Variants in CFAP251 observed in about 807,000 individuals in gnomAD.
CFAP251 encodes cilia and flagella associated protein 251.
In CFAP251, 93 loss-of-function variants were observed where a neutral mutation model predicts 126.7. That is an observed-to-expected ratio of 0.73 (90% CI 0.62 to 0.87). The LOEUF (loss-of-function observed/expected upper bound fraction) is 0.87, where lower values mean the gene tolerates loss of function less well. Among genes scored for constraint, CFAP251 ranks in the 40% least tolerant of loss-of-function variants. CFAP251 has a pLI of 0.00. For missense variants in CFAP251, 1,287 were observed against 1,389.2 expected, an observed-to-expected ratio of 0.93 and a Z score of 1.17; for synonymous variants, 503 against 506.9, an observed-to-expected ratio of 0.99 and a Z score of 0.10.
chr12:121,975,920 C>G (rs565786891), intron 19 of CFAP251, among the ~76,000 whole-genome samples: 1 of 152,138 alleles, frequency 6.6e-6, no homozygotes, highest in East Asian at 1.9e-4. Flanking sequence ...GAGCATGGGT[C>G]TTGCAACCAT....
chr12:121,939,417 A>G (rs1335578525), intron 5 of CFAP251, among the ~76,000 whole-genome samples: 1 of 152,194 alleles, frequency 6.6e-6, no homozygotes, highest in Non-Finnish European at 1.5e-5. Context: ...CTCATGCAGT[A>G]GAAGCCTGCA....
intron 19 of CFAP251, 30 bp downstream of exon 19, chr12:121,975,715 G>A (rs765403864): frequency 5.2e-6 from 8 of 1,537,492 alleles, no homozygotes; most frequent in South Asian, 2.5e-5. Context: ...GAGCAGCAAC[G>A]GGATGTGCTA....
chr12:121,940,732 C>T (rs1881077788), intron 5 of CFAP251, among the ~76,000 whole-genome samples: 1 of 152,132 alleles, frequency 6.6e-6, no homozygotes, highest in African/African-American at 2.4e-5. Flanking sequence ...TATTTCAAGG[C>T]TGTGTTGGAA....
At chr12:121,979,554 T>TTTC (rs1272273007) in intron 19 of CFAP251, among the ~76,000 whole-genome samples, 4 of 110,618 alleles carry the variant, frequency 3.6e-5, no homozygotes, top group East Asian at 5.6e-4. Context: ...ATTAGTCAGC[T>TTTC]TTCTTCTTCT....
intron 19 of CFAP251, among the ~76,000 whole-genome samples, chr12:121,983,798 C>T (rs1004542978): frequency 1.3e-5 from 2 of 152,016 alleles, no homozygotes; most frequent in Non-Finnish European, 2.9e-5. Flanking sequence ...AGGTGTGCCC[C>T]ACATCAGTGA....
intron 19 of CFAP251, among the ~76,000 whole-genome samples, chr12:121,996,122 A>G (rs1162255350): frequency 6.6e-6 from 1 of 152,212 alleles, no homozygotes; most frequent in Non-Finnish European, 1.5e-5. Context: ...CACATTTTTT[A>G]AGTGGGACAT....
chr12:121,958,762 C>T (rs1022724635), intron 12 of CFAP251, among the ~76,000 whole-genome samples, 181 bp from the exon 13 acceptor site: 3 of 152,260 alleles, frequency 2.0e-5, no homozygotes, highest in African/African-American at 7.2e-5. Context: ...TGTCCTGGGC[C>T]TATCTGTGCG....
In CFAP251 at chr12:121,954,189, G is replaced by T; in HGVS notation, c.1390G>T (p.Ala464Ser). 1 of 1,614,116 alleles carries T rather than the reference G, an allele frequency of 6.2e-7. No individual in the cohort carries two copies. Among genetic ancestry groups the T allele is most frequent in the Non-Finnish European group, 8.5e-7 (1 of 1,180,034 alleles). The change falls in exon 10 of 22, where the codon GCC (alanine) becomes TCC (serine). Residue 464 changes from alanine to serine, a missense_variant. Transcript: ENST00000288912. ...FHLNLTQILS[A>S]TMEGKLVVWD... ...CTTGAATTTAACACAAATACTCTCA[G>T]CCACAATGGAAGGGAAGCTGGTTGT...
In CFAP251 at chr12:121,975,476, A is replaced by G. The variant is rs1234144280; in HGVS notation, c.2863-66A>G. 3.1e-6 allele frequency: 5 copies of G among 1,597,784 alleles called. No individual in the cohort carries two copies. The East Asian group carries it at 1.1e-4, about 36-fold the overall frequency. Reference sequence around the variant, plus strand: ...GGTACTTTCTAGAAAATGTCCTTGAAGTGTTCATGGATGCTTCAGACTTAA... The same window carrying G: ...GGTACTTTCTAGAAAATGTCCTTGAGGTGTTCATGGATGCTTCAGACTTAA... On this transcript the variant is annotated intron_variant, in intron 18 of 21. Coordinates refer to ENST00000288912, the MANE Select transcript of CFAP251 (RefSeq NM_144668.6).
rs1225273893 is a variant in CFAP251, at chr12:121,939,122, C to T, written c.999-3412C>T. Among the ~76,000 whole-genome samples the T allele has an allele frequency of 3.9e-5, 6 of 152,250 alleles. No individual in the cohort carries two copies. In the East Asian group the frequency reaches 5.8e-4, roughly 15 times the overall value. On this transcript the variant is annotated intron_variant, in intron 5 of 21. Coordinates refer to ENST00000288912, the MANE Select transcript of CFAP251 (RefSeq NM_144668.6). Reference sequence around the variant, plus strand: ...AACATTTGCTTTTGTTTTGAACACACGTATATGGATATCTTCATGTAGCTT... The same window carrying T: ...AACATTTGCTTTTGTTTTGAACACATGTATATGGATATCTTCATGTAGCTT...
chr12:121,945,030 G>C (rs11043258), intron 7 of CFAP251, among the ~76,000 whole-genome samples: 2 of 152,044 alleles, frequency 1.3e-5, no homozygotes, highest in Non-Finnish European at 2.9e-5. Context: ...CCATCCACCC[G>C]CCTCAGCCTC....
At chr12:121,921,198 A>T in intron 1 of CFAP251, 88 bp from the exon 2 acceptor site, 2 of 1,382,164 alleles carry the variant, frequency 1.4e-6, no homozygotes, top group South Asian at 3.0e-5. Flanking sequence ...AGAGCCATTT[A>T]TGCACATTTC....
At chr12:122,002,183 C>CATCTCTACTAAAAAT (rs1705174993) in intron 21 of CFAP251, among the ~76,000 whole-genome samples, 1 of 152,116 alleles carries the variant, frequency 6.6e-6, no homozygotes, top group East Asian at 1.9e-4. Context: ...GGTGAAATCC[C>CATCTCTACTAAAAAT]ATCTCTACTA....
chr12:121,978,856 C>A (rs745884699), intron 19 of CFAP251, among the ~76,000 whole-genome samples: 24 of 152,280 alleles, frequency 1.6e-4, no homozygotes, highest in Non-Finnish European at 3.1e-4. Context: ...ATGGTTTTTG[C>A]ACACTTCTCT....
At chr12:121,935,227 G>A (rs986946753) in intron 5 of CFAP251, among the ~76,000 whole-genome samples, 1 of 152,188 alleles carries the variant, frequency 6.6e-6, no homozygotes, top group Non-Finnish European at 1.5e-5. Flanking sequence ...AAAGTGCTGG[G>A]ATTACAGGCA....
At chr12:121,930,583 T>C (rs191761825) in intron 3 of CFAP251, among the ~76,000 whole-genome samples, 1 of 152,318 alleles carries the variant, frequency 6.6e-6, no homozygotes, top group Non-Finnish European at 1.5e-5. Context: ...GTCAGATTTA[T>C]TGTACTTATA....
At chr12:121,951,011 G>C (rs1406879688) in intron 8 of CFAP251, 1 of 152,220 alleles carries the variant, frequency 6.6e-6, no homozygotes, top group Non-Finnish European at 1.5e-5. Context: ...CTGAGGTCAG[G>C]AGTTCGAGAC....
chr12:121,941,900 C>T (rs1881132503), intron 5 of CFAP251, among the ~76,000 whole-genome samples: 1 of 152,140 alleles, frequency 6.6e-6, no homozygotes, highest in African/African-American at 2.4e-5. Flanking sequence ...TTTGCATTCC[C>T]ACCTGTGTAG....
intron 10 of CFAP251, among the ~76,000 whole-genome samples, chr12:121,954,636 TAAAAAAAAAAAAAAAAAAA>T (rs1174239421): frequency 4.8e-5 from 2 of 41,980 alleles, no homozygotes; most frequent in Non-Finnish European, 8.0e-5. Flanking sequence ...CCTCCTGTCT[TAAAAAAAAAAAAAAAAAAA>T]AAAAAAAAAA....
Sources: allele counts gnomAD v4.1 joint callset (sites outside exome capture counted in the v4.1 genomes callset), GRCh38; gene constraint gnomAD v4.1.1; transcripts MANE v1.5; gene names NCBI Gene and HGNC (gene_info 2026-07-23, HGNC 2026-07-21).